Variants in SRBD1 observed in about 807,000 individuals in gnomAD.
SRBD1 encodes the protein S1 RNA binding domain 1, also known as S1 RNA-binding domain-containing protein 1.
SRBD1 carries 88 observed loss-of-function variants against 115.3 expected under a neutral mutation model. That is an observed-to-expected ratio of 0.76 (90% CI 0.64 to 0.91). The LOEUF (loss-of-function observed/expected upper bound fraction) is 0.91, where lower values mean the gene tolerates loss of function less well. SRBD1 is among the 40% of genes least tolerant of loss of function. SRBD1 has a pLI of 0.00. For synonymous variants in SRBD1, 509 were observed against 407.7 expected, an observed-to-expected ratio of 1.25 and a Z score of -2.99; for missense variants, 1,385 against 1,177.4, an observed-to-expected ratio of 1.18 and a Z score of -2.58.
chr2:45,546,668 T>C (rs985477629), intron 14 of SRBD1, 64 bp downstream of exon 14: 3 of 1,474,102 alleles, frequency 2.0e-6, no homozygotes, highest in Admixed American at 1.7e-5. Context: ...GGAGGATTCA[T>C]CACAAAAGCA....
intron 20 of SRBD1, among the ~76,000 whole-genome samples, chr2:45,390,751 T>C (rs1014398184): frequency 3.9e-5 from 6 of 152,220 alleles, no homozygotes; most frequent in Admixed American, 3.9e-4. Flanking sequence ...CTTTCTTCCC[T>C]TCCCCCAGTC....
At chr2:45,400,836 C>A (rs1667273012) in intron 19 of SRBD1, among the ~76,000 whole-genome samples, 1 of 152,046 alleles carries the variant, frequency 6.6e-6, no homozygotes, top group African/African-American at 2.4e-5. Context: ...AAATAACATT[C>A]CCAGTTCAAA....
intron 14 of SRBD1, among the ~76,000 whole-genome samples, chr2:45,499,087 T>C (rs1187649399): frequency 1.3e-5 from 2 of 152,204 alleles, no homozygotes; most frequent in Non-Finnish European, 2.9e-5. Flanking sequence ...TTTTCCACAA[T>C]GGCTATACTA....
At chr2:45,544,614 C>A (rs540306146) in intron 14 of SRBD1, among the ~76,000 whole-genome samples, 1 of 152,274 alleles carries the variant, frequency 6.6e-6, no homozygotes, top group South Asian at 2.1e-4. Flanking sequence ...AGATTTTACA[C>A]AAGTACGATA....
intron 19 of SRBD1, among the ~76,000 whole-genome samples, chr2:45,398,032 C>T (rs1478063165): frequency 6.6e-6 from 1 of 152,160 alleles, no homozygotes; most frequent in Non-Finnish European, 1.5e-5. Flanking sequence ...GCCCACAGAA[C>T]TACCTGTTGT....
intron 19 of SRBD1, among the ~76,000 whole-genome samples, chr2:45,405,023 A>G (rs548527171): frequency 4.0e-4 from 61 of 152,262 alleles, no homozygotes; most frequent in African/African-American, 1.3e-3. Context: ...GAGGCCTGCG[A>G]TGACTACCCT....
chr2:45,539,392 C>G (rs760019427), intron 14 of SRBD1, among the ~76,000 whole-genome samples: 4 of 152,088 alleles, frequency 2.6e-5, no homozygotes, highest in Non-Finnish European at 5.9e-5. Context: ...AACCCAGGAT[C>G]CACCTAAGAT....
intron 15 of SRBD1, among the ~76,000 whole-genome samples, chr2:45,478,166 T>C (rs1223025804): frequency 6.6e-6 from 1 of 152,190 alleles, no homozygotes; most frequent in African/African-American, 2.4e-5. Context: ...AGCTAATCAG[T>C]GTCACCTTCT....
chr2:45,482,899 C>T (rs1249879185), intron 15 of SRBD1, among the ~76,000 whole-genome samples: 1 of 152,028 alleles, frequency 6.6e-6, no homozygotes, highest in Admixed American at 6.6e-5. Flanking sequence ...CATTTAATAC[C>T]TAATACAATG....
intron 16 of SRBD1, among the ~76,000 whole-genome samples, chr2:45,444,788 A>T (rs1668772080): frequency 6.6e-6 from 1 of 152,206 alleles, no homozygotes; most frequent in African/African-American, 2.4e-5. Flanking sequence ...ATCAGAAGCC[A>T]CTCAAGTTGG....
intron 14 of SRBD1, among the ~76,000 whole-genome samples, chr2:45,497,408 C>G (rs1670493028): frequency 6.6e-6 from 1 of 152,146 alleles, no homozygotes; most frequent in Non-Finnish European, 1.5e-5. Context: ...TAAACGGTAC[C>G]AAAAACAACC....
rs1394083146 is a variant in SRBD1 at position 45,611,205 on chromosome 2, C to G, written c.-1+14G>C. The G allele has an allele frequency of 2.0e-5, 3 of 152,224 alleles. No homozygotes were observed. The highest frequency in any genetic ancestry group is 4.4e-5 in the Non-Finnish European group (3 of 68,054). The allele number at this position is 152,224 out of a possible 1,614,324, so 9.4% of individuals were successfully genotyped here. On this transcript the variant is annotated intron_variant, in intron 1 of 20. Transcript: ENST00000263736. ...AACCCGCAAGACGACCGCCAAGGCG[C>G]ACGCACAGCTCACCTTCCCGCCCGG...
chr2:45,462,819 G>C (rs1194923116), intron 16 of SRBD1, among the ~76,000 whole-genome samples: 2 of 151,448 alleles, frequency 1.3e-5, no homozygotes, highest in East Asian at 1.9e-4. Context: ...GAGCGAGACT[G>C]CATCTCAAAA....
intron 15 of SRBD1, among the ~76,000 whole-genome samples, chr2:45,477,334 A>G (rs112173411): frequency 1.7e-4 from 26 of 152,346 alleles, no homozygotes; most frequent in African/African-American, 6.0e-4. Context: ...TAGATTTGGA[A>G]AAACAAATAA....
At chr2:45,518,056 TATC>T (rs1182722677) in intron 14 of SRBD1, among the ~76,000 whole-genome samples, 2 of 152,244 alleles carry the variant, frequency 1.3e-5, no homozygotes, top group African/African-American at 2.4e-5. Flanking sequence ...GAAAGTGTAA[TATC>T]ATAATAGGCA....
At chr2:45,456,690 A>G (rs1669165002) in intron 16 of SRBD1, among the ~76,000 whole-genome samples, 1 of 151,854 alleles carries the variant, frequency 6.6e-6, no homozygotes, top group African/African-American at 2.4e-5. Flanking sequence ...GTTTTCATTT[A>G]AGGTCTTCTA....
chr2:45,399,690 G>C (rs1259974909), intron 19 of SRBD1, among the ~76,000 whole-genome samples: 1 of 152,030 alleles, frequency 6.6e-6, no homozygotes, highest in East Asian at 1.9e-4. Context: ...ACCACTGCCT[G>C]GGAGAAATTT....
chr2:45,546,173 G>A (rs1376038136), intron 14 of SRBD1: 3 of 985,288 alleles, frequency 3.0e-6, no homozygotes, highest in African/African-American at 3.5e-5. Flanking sequence ...TACTACAAAT[G>A]CAGGGGCAAG....
At chr2:45,519,405 T>C (rs1671215119) in intron 14 of SRBD1, among the ~76,000 whole-genome samples, 1 of 152,080 alleles carries the variant, frequency 6.6e-6, no homozygotes, top group African/African-American at 2.4e-5. Flanking sequence ...TTAACTAAAG[T>C]AAAGAAACAA....
Sources: allele counts gnomAD v4.1 joint callset (sites outside exome capture counted in the v4.1 genomes callset), GRCh38; gene constraint gnomAD v4.1.1; transcripts MANE v1.5; gene names NCBI Gene and HGNC (gene_info 2026-07-23, HGNC 2026-07-21).